Variants in CLEC2A observed in about 807,000 individuals in gnomAD.
CLEC2A encodes C-type lectin domain family 2 member A.
In CLEC2A, 19 loss-of-function variants were observed where a neutral mutation model predicts 18.6. The ratio of observed to expected loss-of-function variants is 1.02; its 90% CI spans 0.71 to 1.50. The LOEUF (loss-of-function observed/expected upper bound fraction) is 1.50. Among genes scored for constraint, CLEC2A ranks in the 40% most tolerant of loss-of-function variants. The pLI is 0.00. For missense variants in CLEC2A, 190 were observed against 207.9 expected (o/e 0.91, Z 0.53); for synonymous variants, 74 against 64.0 (o/e 1.16, Z -0.75).
chr12:9,929,295 T>C (rs113299597), intron 1 of CLEC2A, among the ~76,000 whole-genome samples: 194 of 152,328 alleles, frequency 1.3e-3, no homozygotes, highest in African/African-American at 4.5e-3. Flanking sequence ...AGCATTGTAC[T>C]ACACTATTGC....
At chr12:9,886,763 C>CAAAA in the CLEC2A span, among the ~76,000 whole-genome samples, 9 of 103,426 alleles carry the variant, frequency 8.7e-5, no homozygotes, top group South Asian at 3.5e-4. Flanking sequence ...CTATATCATG[C>CAAAA]AAAAAAAAAA....
At chr12:9,922,286 T>A in intron 2 of CLEC2A, 54 bp from the exon 3 acceptor site, 1 of 1,420,560 alleles carries the variant, frequency 7.0e-7, no homozygotes, top group Non-Finnish European at 9.3e-7. Context: ...AAAGTGTTTC[T>A]ACTCATTCAG....
At chr12:9,882,251 T>C in the CLEC2A span, among the ~76,000 whole-genome samples, 1 of 148,966 alleles carries the variant, frequency 6.7e-6, no homozygotes, top group African/African-American at 2.5e-5. Context: ...AAATTCAGAA[T>C]TACCAGTCGC....
intron 4 of CLEC2A, among the ~76,000 whole-genome samples, chr12:9,903,491 G>A (rs758558391): frequency 6.6e-6 from 1 of 152,174 alleles, no homozygotes; most frequent in Non-Finnish European, 1.5e-5. Context: ...CTAGTTCATT[G>A]GATAAAACAG....
intron 3 of CLEC2A, among the ~76,000 whole-genome samples, chr12:9,918,134 T>G (rs533905428): frequency 6.6e-6 from 1 of 152,204 alleles, no homozygotes; most frequent in South Asian, 2.1e-4. Context: ...TGCATTTTTT[T>G]TTACTATTGC....
chr12:9,882,575 C>T, the CLEC2A span, among the ~76,000 whole-genome samples: 5 of 152,004 alleles, frequency 3.3e-5, no homozygotes, highest in Non-Finnish European at 5.9e-5. Flanking sequence ...GTCAGGAATT[C>T]GAGACCAGCC....
At chr12:9,907,725 A>G (rs556342878) in intron 4 of CLEC2A, among the ~76,000 whole-genome samples, 227 of 152,274 alleles carry the variant, frequency 1.5e-3, no homozygotes, top group African/African-American at 5.3e-3. Context: ...CCTGTTCTAA[A>G]TTTGGCCAAA....
downstream of CLEC2A, among the ~76,000 whole-genome samples, chr12:9,898,268 C>T (rs1487101164): frequency 1.3e-5 from 2 of 152,240 alleles, no homozygotes; most frequent in Non-Finnish European, 2.9e-5. Flanking sequence ...TCCTGGTCCT[C>T]AAAAGTGAAA....
chr12:9,902,756 T>A (rs1397277992), intron 4 of CLEC2A, among the ~76,000 whole-genome samples: 1 of 152,080 alleles, frequency 6.6e-6, no homozygotes, highest in Non-Finnish European at 1.5e-5. Context: ...GTTGCCTGCA[T>A]CAGCCACCAT....
chr12:9,893,506 G>T, the CLEC2A span: 1 of 1,513,330 alleles, frequency 6.6e-7, no homozygotes, highest in Non-Finnish European at 8.9e-7. Context: ...GGAACCTATG[G>T]ATGTGGATAG....
chr12:9,890,244 A>C, the CLEC2A span, among the ~76,000 whole-genome samples: 1 of 152,186 alleles, frequency 6.6e-6, no homozygotes, highest in Non-Finnish European at 1.5e-5. Context: ...GATATATAAC[A>C]AATTACCACA....
chr12:9,913,826 A>C, intron 4 of CLEC2A, 146 bp from the exon 5 acceptor site: 1 of 555,396 alleles, frequency 1.8e-6, no homozygotes, highest in Non-Finnish European at 3.1e-6. Context: ...GCTGCATTAA[A>C]ATATCTGGTA....
At chr12:9,882,295 C>T in the CLEC2A span, among the ~76,000 whole-genome samples, 1 of 152,254 alleles carries the variant, frequency 6.6e-6, no homozygotes, top group East Asian at 1.9e-4. Flanking sequence ...TGAACATTCT[C>T]GTGTACAATC....
the CLEC2A span, among the ~76,000 whole-genome samples, chr12:9,886,147 A>T: frequency 6.6e-6 from 1 of 152,180 alleles, no homozygotes; most frequent in Non-Finnish European, 1.5e-5. Flanking sequence ...TTGATGAATT[A>T]CTAGTAGTAA....
intron 2 of CLEC2A, among the ~76,000 whole-genome samples, 184 bp downstream of exon 2, chr12:9,926,076 G>A (rs1863266734): frequency 6.6e-6 from 1 of 152,172 alleles, no homozygotes; most frequent in Non-Finnish European, 1.5e-5. Flanking sequence ...TTGTAAAACT[G>A]AGAGTGTTTG....
At chr12:9,907,738 G>T (rs1862925658) in intron 4 of CLEC2A, among the ~76,000 whole-genome samples, 1 of 152,192 alleles carries the variant, frequency 6.6e-6, no homozygotes, top group African/African-American at 2.4e-5. Context: ...TGGCCAAAAA[G>T]GCTAGGGGAA....
chr12:9,932,340 TAACCG>T lies in CLEC2A; in HGVS notation c.-16_-12del. The T allele has an allele frequency of 1.3e-6, 2 of 1,551,870 alleles. No individual in the cohort carries two copies. The highest frequency in any genetic ancestry group is 1.7e-6 in the Non-Finnish European group (2 of 1,146,928). The stretch of plus-strand genomic sequence containing the variant: ...CTCTGGATTAATCATGGCAAGGCGC[TAACCG>T]ATGGAGATCAGTAGGAGAGGACTAG... On this transcript the variant is annotated 5_prime_UTR_variant, in exon 1 of 5. Transcript: ENST00000455827.
chr12:9,880,803 A>G, the CLEC2A span, among the ~76,000 whole-genome samples: 7 of 152,294 alleles, frequency 4.6e-5, no homozygotes, highest in East Asian at 1.4e-3. Context: ...GCCCAGTCAC[A>G]TTACAGAGGA....
downstream of CLEC2A, chr12:9,895,616 G>A: frequency 2.2e-6 from 3 of 1,372,108 alleles, no homozygotes; most frequent in South Asian, 3.1e-5. Context: ...TAAAAGTTTG[G>A]CTGGAGAAAA....
Sources: gnomAD v4.1 joint callset for allele counts (sites outside exome capture counted in the v4.1 genomes callset) on GRCh38, gnomAD v4.1.1 for gene constraint, MANE v1.5 for transcripts, NCBI Gene and HGNC (gene_info 2026-07-23, HGNC 2026-07-21) for gene names.